Variants in EPC1 observed in about 807,000 individuals in gnomAD.
EPC1 encodes enhancer of polycomb 1.
Under a neutral mutation model 98.4 loss-of-function variants are expected in EPC1, and 12 were observed. That is an observed-to-expected ratio of 0.12 (90% CI 0.08 to 0.20). The LOEUF (loss-of-function observed/expected upper bound fraction) is 0.20. EPC1 is among the 10% of genes least tolerant of loss of function. The pLI is 1.00. For synonymous variants in EPC1, 357 were observed against 363.9 expected (o/e 0.98, Z 0.21); for missense variants, 729 against 990.5 (o/e 0.74, Z 3.54).
rs576711040 is a variant in EPC1 at position 32,352,656 on chromosome 10, T to G, written c.3+25835A>C. 9.1e-4 allele frequency among the ~76,000 whole-genome samples: 138 copies of G among 152,308 alleles called. 1 individual carries two copies. Among genetic ancestry groups the G allele is most frequent in the African/African-American group, 3.2e-3 (135 of 41,562 alleles). Reference sequence around the variant, plus strand: ...TAAGCCTCCCCCAGTCTTTCTCATCTCTGAGCTCCTATTATGCTTTCAGTC... The same window carrying G: ...TAAGCCTCCCCCAGTCTTTCTCATCGCTGAGCTCCTATTATGCTTTCAGTC... On this transcript the variant is annotated intron_variant, in intron 1 of 13. Transcript: ENST00000375110.
At chr10:32,340,838 A>AC (rs1399903775) in intron 1 of EPC1, among the ~76,000 whole-genome samples, 11 of 151,856 alleles carry the variant, frequency 7.2e-5, no homozygotes, top group African/African-American at 2.4e-4. Flanking sequence ...TCAAAAAAAA[A>AC]CCCGCAATTC....
chr10:32,317,554 C>G (rs1240235918), intron 1 of EPC1, among the ~76,000 whole-genome samples: 2 of 151,956 alleles, frequency 1.3e-5, no homozygotes, highest in Non-Finnish European at 2.9e-5. Context: ...AGGAAGGAGA[C>G]TTGCTTGAGC....
At chr10:32,369,998 A>G (rs1839702988) in intron 1 of EPC1, among the ~76,000 whole-genome samples, 1 of 152,216 alleles carries the variant, frequency 6.6e-6, no homozygotes. Context: ...TATGAATATG[A>G]TAAGATTTGT....
intron 1 of EPC1, among the ~76,000 whole-genome samples, chr10:32,357,976 TC>T (rs1010660091): frequency 1.3e-5 from 2 of 150,148 alleles, no homozygotes; most frequent in Non-Finnish European, 3.0e-5. Flanking sequence ...TGCCTCAGCC[TC>T]CCGAGTAGCT....
At chr10:32,351,068 T>C (rs1411977002), upstream of EPC1, among the ~76,000 whole-genome samples, 1 of 152,228 alleles carries the variant, frequency 6.6e-6, no homozygotes, top group Non-Finnish European at 1.5e-5. Flanking sequence ...CTGGTACTCT[T>C]CTGTTGGTGG....
chr10:32,310,526 T>A (rs1227127133), intron 1 of EPC1, among the ~76,000 whole-genome samples: 2 of 152,220 alleles, frequency 1.3e-5, no homozygotes, highest in Non-Finnish European at 2.9e-5. Flanking sequence ...TTATGTTATA[T>A]CCACTTTTCG....
chr10:32,333,814 G>GT (rs1837789655), intron 1 of EPC1, among the ~76,000 whole-genome samples: 1 of 152,182 alleles, frequency 6.6e-6, no homozygotes, highest in Non-Finnish European at 1.5e-5. Context: ...AGTAACGGGC[G>GT]TATCTCAAAT....
At chr10:32,270,534 A>G (rs1420577175) in intron 13 of EPC1, among the ~76,000 whole-genome samples, 2 of 152,174 alleles carry the variant, frequency 1.3e-5, no homozygotes, top group Non-Finnish European at 2.9e-5. Context: ...ATTAATAAGA[A>G]TAGCTTAACG....
At chr10:32,301,537 T>C (rs777475952) in intron 2 of EPC1, among the ~76,000 whole-genome samples, 2 of 152,192 alleles carry the variant, frequency 1.3e-5, no homozygotes, top group African/African-American at 4.8e-5. Flanking sequence ...AAAATTACTA[T>C]AGAGTTGCAA....
chr10:32,346,308 CGGCGCGCAGGCCGCAGT>C (rs1464148724), intron 1 of EPC1, among the ~76,000 whole-genome samples: 1 of 152,180 alleles, frequency 6.6e-6, no homozygotes. Flanking sequence ...GCCCGGGCAG[CGGCGCGCAGGCCGCAGT>C]GGCCCTGGAG....
intron 1 of EPC1, among the ~76,000 whole-genome samples, chr10:32,342,816 A>G (rs1838453243): frequency 6.6e-6 from 1 of 152,202 alleles, no homozygotes; most frequent in African/African-American, 2.4e-5. Context: ...GCTAAACATC[A>G]TTTTAAAATC....
At chr10:32,312,170 G>A (rs1030689848) in intron 1 of EPC1, among the ~76,000 whole-genome samples, 1 of 152,176 alleles carries the variant, frequency 6.6e-6, no homozygotes, top group Non-Finnish European at 1.5e-5. Context: ...TATGTACAAG[G>A]AGTCAAGCGC....
At chr10:32,316,328 C>T (rs1836544579) in intron 1 of EPC1, among the ~76,000 whole-genome samples, 1 of 152,078 alleles carries the variant, frequency 6.6e-6, no homozygotes, top group Non-Finnish European at 1.5e-5. Context: ...AGAATTTACT[C>T]AAGAGAAAGG....
intron 1 of EPC1, among the ~76,000 whole-genome samples, chr10:32,371,853 A>G (rs530951079): frequency 2.0e-5 from 3 of 152,290 alleles, no homozygotes; most frequent in African/African-American, 7.2e-5. Context: ...CAGTGAGCCA[A>G]GATCGAGCCA....
At chr10:32,359,929 T>G (rs1839390081) in intron 1 of EPC1, among the ~76,000 whole-genome samples, 1 of 152,204 alleles carries the variant, frequency 6.6e-6, no homozygotes, top group South Asian at 2.1e-4. Flanking sequence ...ATTAGTAGTT[T>G]TGTATCATTT....
At chr10:32,307,994 C>CAGCAT (rs1835973279) in intron 1 of EPC1, among the ~76,000 whole-genome samples, 3 of 152,162 alleles carry the variant, frequency 2.0e-5, no homozygotes, top group Non-Finnish European at 2.9e-5. Context: ...CTGGTGATGC[C>CAGCAT]TTTAGAACAT....
intron 1 of EPC1, among the ~76,000 whole-genome samples, chr10:32,343,588 C>T (rs1042575574): frequency 6.6e-5 from 10 of 152,114 alleles, no homozygotes; most frequent in Non-Finnish European, 1.3e-4. Flanking sequence ...ACATCTTTGA[C>T]CCAGTCAAAT....
intron 1 of EPC1, chr10:32,345,514 G>A (rs1411294692): frequency 9.1e-6 from 9 of 985,340 alleles, no homozygotes; most frequent in Non-Finnish European, 1.1e-5. Flanking sequence ...CGCGACTCCT[G>A]GACTTCCTTG....
intron 1 of EPC1, among the ~76,000 whole-genome samples, chr10:32,308,102 G>A (rs1446264807): frequency 2.6e-5 from 4 of 152,152 alleles, no homozygotes; most frequent in Admixed American, 6.5e-5. Context: ...ATATGCCAAT[G>A]TCGGCTGGAC....
Sources: gnomAD v4.1 joint callset for allele counts (sites outside exome capture counted in the v4.1 genomes callset) on GRCh38, gnomAD v4.1.1 for gene constraint, MANE v1.5 for transcripts, NCBI Gene and HGNC (gene_info 2026-07-23, HGNC 2026-07-21) for gene names.